Variants in GALNT7 observed in about 807,000 individuals in gnomAD.
GALNT7 encodes the protein N-acetylgalactosaminyltransferase 7.
In GALNT7, 60 loss-of-function variants were observed where a neutral mutation model predicts 82.1. The observed-to-expected ratio is 0.73, with a 90% confidence interval of 0.59 to 0.91. GALNT7 has a LOEUF of 0.91. Ranked by LOEUF, GALNT7 falls within the 40% of genes least tolerant of loss-of-function variation. The pLI, the probability that GALNT7 is intolerant of heterozygous loss-of-function variation, is 0.00. For missense variants in GALNT7, 660 were observed against 804.2 expected (o/e 0.82, Z 2.17); for synonymous variants, 243 against 275.1 (o/e 0.88, Z 1.15).
At chr4:173,227,911 G>A (rs371973807) in intron 1 of GALNT7, among the ~76,000 whole-genome samples, 46 of 152,002 alleles carry the variant, frequency 3.0e-4, no homozygotes, top group African/African-American at 1.1e-3. Context: ...TAGCTATGCC[G>A]TGTGTGAACT....
intron 1 of GALNT7, among the ~76,000 whole-genome samples, chr4:173,211,945 A>C (rs1198053959): frequency 2.0e-5 from 3 of 152,226 alleles, no homozygotes; most frequent in Non-Finnish European, 4.4e-5. Flanking sequence ...TTCAGGTTAA[A>C]ATTTCATATC....
chr4:173,174,926 C>T (rs950166500), intron 1 of GALNT7, among the ~76,000 whole-genome samples: 3 of 152,036 alleles, frequency 2.0e-5, no homozygotes, highest in Non-Finnish European at 2.9e-5. Context: ...GTGTGAGATA[C>T]GATTTGGGTT....
intron 2 of GALNT7, among the ~76,000 whole-genome samples, chr4:173,288,149 A>G (rs1308854862): frequency 2.0e-5 from 3 of 150,756 alleles, no homozygotes; most frequent in Non-Finnish European, 2.9e-5. Flanking sequence ...CAGGCCTGGT[A>G]GCGGGCGCCT....
chr4:173,274,271 A>G (rs925202732), intron 2 of GALNT7, among the ~76,000 whole-genome samples: 1 of 152,204 alleles, frequency 6.6e-6, no homozygotes, highest in Admixed American at 6.5e-5. Flanking sequence ...GCTACCCAAA[A>G]GACATAGTTC....
chr4:173,269,400 T>G (rs1327986576), intron 2 of GALNT7, among the ~76,000 whole-genome samples: 3 of 152,128 alleles, frequency 2.0e-5, no homozygotes, highest in Non-Finnish European at 4.4e-5. Context: ...TAAAATGGGC[T>G]TGGGAAGGCA....
chr4:173,261,579 G>A (rs1735265236), intron 2 of GALNT7, among the ~76,000 whole-genome samples: 1 of 152,168 alleles, frequency 6.6e-6, no homozygotes, highest in Admixed American at 6.5e-5. Flanking sequence ...CACTTTGGGA[G>A]GCCAAGGCGG....
At chr4:173,303,782 T>C (rs1737047486) in intron 7 of GALNT7, among the ~76,000 whole-genome samples, 1 of 152,248 alleles carries the variant, frequency 6.6e-6, no homozygotes, top group South Asian at 2.1e-4. Flanking sequence ...GGCCCCTTAG[T>C]AGCAGTTTAT....
rs1736767728 is a variant in GALNT7, at chr4:173,297,690, C to T, written c.966-425C>T. On this transcript the variant is annotated intron_variant, in intron 5 of 11. Coordinates refer to ENST00000265000, the MANE Select transcript of GALNT7 (RefSeq NM_017423.3). ...CTATTTCCCATTAGATATTAAAGTC[C>T]CCTAGTGCACAAACAAATCAACAAC... 3 of 513,324 alleles carry T rather than the reference C, an allele frequency of 5.8e-6. No homozygotes were observed. The East Asian group carries it at 9.7e-5, about 17-fold the overall frequency. 31.8% of individuals were successfully genotyped at this position (513,324 alleles called of 1,614,324 possible).
At position 173,314,133 on chromosome 4, in the gene GALNT7, C is replaced by T. The variant is rs779890900; in HGVS notation, c.1565C>T (p.Thr522Ile). ...WFMEEIAYDI[T>I]SHYPLPPKNV... ...ATGGAAGAAATAGCTTATGATATCA[C>T]CTCACACTACCCTTTGCCACCCAAA... Residue 522 changes from threonine to isoleucine, a missense_variant, in exon 9 of 12, where the codon ACC (threonine) becomes ATC (isoleucine). Thr to Ile is a moderately conservative substitution (Grantham distance 89). Coordinates refer to ENST00000265000, the MANE Select transcript of GALNT7 (RefSeq NM_017423.3). 5 of 1,613,670 alleles carry T rather than the reference C, an allele frequency of 3.1e-6. No individual in the cohort carries two copies. In the African/African-American group the frequency reaches 4.0e-5, roughly 13 times the overall value.
At chr4:173,203,920 CA>C (rs1207024872) in intron 1 of GALNT7, among the ~76,000 whole-genome samples, 3 of 152,148 alleles carry the variant, frequency 2.0e-5, no homozygotes, top group Non-Finnish European at 4.4e-5. Flanking sequence ...GTACTTTTAC[CA>C]GTAAGTTTTA....
chr4:173,194,189 C>T (rs1398150862), intron 1 of GALNT7, among the ~76,000 whole-genome samples: 3 of 152,126 alleles, frequency 2.0e-5, no homozygotes, highest in East Asian at 3.8e-4. Flanking sequence ...TAATAGTAGG[C>T]TTAGGAGACT....
intron 1 of GALNT7, among the ~76,000 whole-genome samples, chr4:173,228,683 CA>C (rs140095196): frequency 0.022 from 3,317 of 151,822 alleles, 94 homozygotes; most frequent in Admixed American, 0.065. Context: ...GATGGCTTTA[CA>C]AAAAAAACTC....
intron 1 of GALNT7, among the ~76,000 whole-genome samples, chr4:173,218,568 G>C (rs961743782): frequency 6.6e-6 from 1 of 152,092 alleles, no homozygotes; most frequent in Non-Finnish European, 1.5e-5. Context: ...ATTATGCACA[G>C]GTACCTAAAA....
chr4:173,246,238 A>G (rs1039898152), intron 1 of GALNT7, among the ~76,000 whole-genome samples: 9 of 152,206 alleles, frequency 5.9e-5, no homozygotes, highest in African/African-American at 1.2e-4. Flanking sequence ...AGAGTGACCA[A>G]TTTAACCAGA....
intron 2 of GALNT7, among the ~76,000 whole-genome samples, chr4:173,284,115 T>C (rs185367810): frequency 2.0e-5 from 3 of 152,376 alleles, no homozygotes; most frequent in East Asian, 3.9e-4. Flanking sequence ...GGTTAGTCCA[T>C]TCCATTAACT....
Position 173,210,461 on chromosome 4 carries a change from C to CA in GALNT7, c.127-37519_127-37518insA, listed in dbSNP as rs369310228. ...TCTCTTTTACTACTTTTTTATTTTC[C>CA]TTTTTTTTTGGAAACAGGGTCTTGC... On this transcript the variant is annotated intron_variant, in intron 1 of 11. Transcript: ENST00000265000. 9.5e-4 allele frequency among the ~76,000 whole-genome samples: 144 copies of CA among 151,226 alleles called. 1 individual carries two copies. The highest frequency in any genetic ancestry group is 3.0e-3 in the African/African-American group (124 of 41,282).
At chr4:173,210,056 C>G (rs796467073) in intron 1 of GALNT7, among the ~76,000 whole-genome samples, 6 of 152,146 alleles carry the variant, frequency 3.9e-5, no homozygotes, top group African/African-American at 1.4e-4. Flanking sequence ...ATCGCTTGAA[C>G]CCGGGAGGCC....
At chr4:173,184,675 C>T (rs1481615616) in intron 1 of GALNT7, among the ~76,000 whole-genome samples, 1 of 151,350 alleles carries the variant, frequency 6.6e-6, no homozygotes, top group African/African-American at 2.4e-5. Flanking sequence ...TTTAAAATTG[C>T]CTTATATATG....
chr4:173,170,206 G>T (rs538596139), intron 1 of GALNT7, among the ~76,000 whole-genome samples: 384 of 152,344 alleles, frequency 2.5e-3, no homozygotes, highest in African/African-American at 6.6e-3. Flanking sequence ...GCTGCCAGTG[G>T]GGGTAGGAGA....
Sources: allele counts gnomAD v4.1 joint callset (sites outside exome capture counted in the v4.1 genomes callset), GRCh38; gene constraint gnomAD v4.1.1; transcripts MANE v1.5; gene names NCBI Gene and HGNC (gene_info 2026-07-23, HGNC 2026-07-21).